Variants in ACOT11 observed in about 807,000 individuals in gnomAD.
The protein encoded by ACOT11 is acyl-coenzyme A thioesterase 11.
ACOT11 carries 69 observed loss-of-function variants against 77.5 expected under a neutral mutation model. That is an observed-to-expected ratio of 0.89 (90% CI 0.73 to 1.09). The LOEUF (loss-of-function observed/expected upper bound fraction) is 1.09. Among genes scored for constraint, ACOT11 ranks in the 50% least tolerant of loss-of-function variants. ACOT11 has a pLI of 0.00. For synonymous variants in ACOT11, 279 were observed against 313.0 expected (o/e 0.89, Z 1.15); for missense variants, 766 against 813.7 (o/e 0.94, Z 0.71).
intron 3 of ACOT11, among the ~76,000 whole-genome samples, chr1:54,587,750 C>T (rs899198493): frequency 4.0e-5 from 6 of 150,646 alleles, no homozygotes; most frequent in African/African-American, 7.3e-5. Flanking sequence ...TTAGTAGAGA[C>T]GGGGTTTCAC....
At chr1:54,586,041 G>C (rs1025794617) in intron 3 of ACOT11, 137 bp downstream of exon 3, 130 of 846,034 alleles carry the variant, frequency 1.5e-4, no homozygotes, top group Non-Finnish European at 2.1e-4. Flanking sequence ...GGTGGGGGCA[G>C]CCTCTGGGGA....
At chr1:54,601,191 G>A in intron 8 of ACOT11, 78 bp from the exon 9 acceptor site, 7 of 1,532,860 alleles carry the variant, frequency 4.6e-6, no homozygotes, top group Non-Finnish European at 6.2e-6. Context: ...ATGTGTGTGT[G>A]TGAGTGTGTG....
intron 1 of ACOT11, among the ~76,000 whole-genome samples, chr1:54,557,023 A>G (rs923803981): frequency 6.6e-6 from 1 of 152,128 alleles, no homozygotes; most frequent in African/African-American, 2.4e-5. Flanking sequence ...CTCCTGCCTC[A>G]GCCTCCCAAG....
downstream of ACOT11, chr1:54,614,858 G>A (rs202016416): frequency 2.7e-5 from 44 of 1,613,376 alleles, no homozygotes; most frequent in Middle Eastern, 6.6e-4. Flanking sequence ...CCAGTTTGAT[G>A]CCTGTGGGGA....
At chr1:54,563,677 C>G (rs1485804502) in intron 1 of ACOT11, among the ~76,000 whole-genome samples, 1 of 152,130 alleles carries the variant, frequency 6.6e-6, no homozygotes, top group African/African-American at 2.4e-5. Flanking sequence ...AGTCCCAGCA[C>G]TTTGGGAGGC....
chr1:54,580,824 G>A (rs146829575), intron 1 of ACOT11, among the ~76,000 whole-genome samples: 16 of 152,366 alleles, frequency 1.1e-4, no homozygotes, highest in African/African-American at 3.4e-4. Flanking sequence ...CTGGGGAAGA[G>A]AGATGCAGGA....
intron 15 of ACOT11, among the ~76,000 whole-genome samples, chr1:54,608,363 A>T (rs1479516527): frequency 6.6e-6 from 1 of 152,036 alleles, no homozygotes; most frequent in Non-Finnish European, 1.5e-5. Flanking sequence ...AGCCCTTCTC[A>T]TCTAGGAAGG....
Position 54,584,832 on chromosome 1 carries a change from A to G in ACOT11, c.211A>G (p.Lys71Glu), listed in dbSNP as rs1654441231. Residue 71 changes from lysine (K) to glutamate (E), a missense_variant, in exon 2 of 16, where the codon AAG becomes GAG. Physicochemically the swap from Lys to Glu is moderately conservative, Grantham distance 56. Transcript: ENST00000343744. This position sits in a 1 kb window ranked among gnomAD's most constrained non-coding sequence, Gnocchi z 6.3. ...RGELSVGQLL[K>E]WIDTTACLSA... ...TGAGCTGAGCGTCGGGCAGCTGCTC[A>G]AGTGGATTGACACCACGGCTTGCCT... 6.2e-7 allele frequency: 1 copy of G among 1,613,836 alleles called. No individual in the cohort carries two copies. The highest frequency in any genetic ancestry group is 8.5e-7 in the Non-Finnish European group (1 of 1,180,006).
At chr1:54,602,072 T>C (rs1702007) in intron 9 of ACOT11, among the ~76,000 whole-genome samples, 85,114 of 152,168 alleles carry the variant, frequency 0.56, 24,172 homozygotes, top group Non-Finnish European at 0.61. Flanking sequence ...GCCTCGGGAC[T>C]GGGAGCTGGG....
At chr1:54,560,272 C>T (rs1188103413) in intron 1 of ACOT11, among the ~76,000 whole-genome samples, 28 of 152,098 alleles carry the variant, frequency 1.8e-4, no homozygotes, top group Admixed American at 1.8e-3. Context: ...AGGGTGGGCT[C>T]CCTGGAGGAG....
At chr1:54,585,269 C>T (rs958103027) in intron 2 of ACOT11, among the ~76,000 whole-genome samples, 4 of 152,208 alleles carry the variant, frequency 2.6e-5, no homozygotes, top group Non-Finnish European at 4.4e-5. Flanking sequence ...CAACCTACAG[C>T]GCTCACAGCC....
chr1:54,602,751 A>G (rs947887348), intron 10 of ACOT11, 27 bp downstream of exon 10: 1 of 1,514,202 alleles, frequency 6.6e-7, no homozygotes, highest in Non-Finnish European at 8.8e-7. Flanking sequence ...TGGTGGGCAG[A>G]ATGTGGATTC....
chr1:54,606,068 G>C (rs1414391230), intron 13 of ACOT11, among the ~76,000 whole-genome samples: 1 of 152,220 alleles, frequency 6.6e-6, no homozygotes, highest in African/African-American at 2.4e-5. Context: ...ATTTTCTCCA[G>C]AGCAGGCTTG....
At position 54,563,665 on chromosome 1, in the gene ACOT11, G is replaced by A. The variant is rs149372098; in HGVS notation, c.33+15323G>A. Among the ~76,000 whole-genome samples the A allele has an allele frequency of 3.2e-4, 49 of 152,288 alleles. 1 individual carries two copies. In the East Asian group the frequency reaches 9.1e-3, roughly 28 times the overall value. On this transcript the variant is annotated intron_variant, in intron 1 of 15. Transcript: ENST00000343744. ...GGGCCAGGCTCAGTGGCTCATGCCT[G>A]TAGTCCCAGCACTTTGGGAGGCAGA...
chr1:54,592,606 G>A lies in ACOT11; in HGVS notation c.372G>A (p.Glu124=). The change falls in exon 4 of 16, where the codon GAG becomes GAA. Residue 124 remains glutamate, a splice_region_variant and synonymous_variant. Coordinates refer to ENST00000343744, the MANE Select transcript of ACOT11 (RefSeq NM_147161.4). ...KVNRAFNSSM[E]VGIQVASEDL... is the part of the protein sequence containing the mutation. ...ACCGGGCCTTCAACTCCAGCATGGAGGTGTGTGGGGTGGGCACTGCTTGGG... is the reference window on the plus strand; with the variant it reads ...ACCGGGCCTTCAACTCCAGCATGGAAGTGTGTGGGGTGGGCACTGCTTGGG... 1 of 1,613,576 alleles carries A rather than the reference G, an allele frequency of 6.2e-7. No individual in the cohort carries two copies. Among genetic ancestry groups the A allele is most frequent in the South Asian group, 1.1e-5 (1 of 90,906 alleles).
At chr1:54,562,044 AC>A (rs1242086709) in intron 1 of ACOT11, among the ~76,000 whole-genome samples, 1 of 43,362 alleles carries the variant, frequency 2.3e-5, no homozygotes, top group Non-Finnish European at 4.2e-5. Context: ...CGGAGGGCTG[AC>A]CCCCCCCACC....
rs11206394 is a variant in ACOT11 at position 54,609,449 on chromosome 1, C to G, written c.*337C>G. The G allele has an allele frequency of 0.067, 107,751 of 1,613,662 alleles. 5,265 individuals carry two copies. Among genetic ancestry groups the G allele is most frequent in the East Asian group, 0.21 (9,489 of 44,868 alleles). The stretch of plus-strand genomic sequence containing the variant: ...CCGGGGGGAGGATGCCAGCAGCCTG[C>G]CTATGGCTCCAGCTGTGCTGTGGCC... On this transcript the variant is annotated 3_prime_UTR_variant, in exon 16 of 16. Coordinates refer to ENST00000343744, the MANE Select transcript of ACOT11 (RefSeq NM_147161.4).
intron 15 of ACOT11, 106 bp downstream of exon 15, chr1:54,608,174 C>G: frequency 1.8e-6 from 2 of 1,090,280 alleles, no homozygotes; most frequent in Non-Finnish European, 2.5e-6. Context: ...AGCTGGCCCC[C>G]CAGCAGGCTC....
chr1:54,635,211 G>A (rs907953897), exon 17 of ACOT11: 2 of 225,396 alleles, frequency 8.9e-6, no homozygotes, highest in African/African-American at 2.4e-5. Context: ...GCTGCACAAC[G>A]ATTCCTATGG....
Sources: gnomAD v4.1 joint callset for allele counts (sites outside exome capture counted in the v4.1 genomes callset) on GRCh38, gnomAD v4.1.1 for gene constraint, Gnocchi (gnomAD v3.1) non-coding constraint, MANE v1.5 for transcripts, NCBI Gene and HGNC (gene_info 2026-07-23, HGNC 2026-07-21) for gene names.